NCOA7: variants seen among roughly 807,000 people sequenced by gnomAD.
The protein encoded by NCOA7 is nuclear receptor coactivator 7, also known as 140 kDa estrogen receptor-associated protein.
In NCOA7, 45 loss-of-function variants were observed where a neutral mutation model predicts 104.3. The observed-to-expected ratio is 0.43, with a 90% CI of 0.34 to 0.55. NCOA7 has a LOEUF of 0.55. NCOA7 is among the 20% of genes least tolerant of loss of function. NCOA7 has a pLI of 0.02. For missense variants in NCOA7, 1,041 were observed against 1,119.7 expected, an observed-to-expected ratio of 0.93 and a Z score of 1.00; for synonymous variants, 398 against 402.3, an observed-to-expected ratio of 0.99 and a Z score of 0.13.
chr6:125,921,991 G>C (rs958926992), intron 12 of NCOA7, among the ~76,000 whole-genome samples: 7 of 152,138 alleles, frequency 4.6e-5, no homozygotes, highest in African/African-American at 1.7e-4. Context: ...TGGCTCCCTA[G>C]TTTACTGAGG....
rs548572640 is a variant in NCOA7 at position 125,882,068 on chromosome 6, G to T, written c.574-358G>T. Among the ~76,000 whole-genome samples, 27 of 152,270 alleles carry T rather than the reference G, an allele frequency of 1.8e-4. No individual in the cohort carries two copies. The East Asian group carries it at 5.2e-3, about 29-fold the overall frequency. On this transcript the variant is annotated intron_variant, in intron 6 of 15. Transcript: ENST00000392477. ...AGGGTTTCACCATATTAGTCAGGCA[G>T]GTCCCGAACTCCTGACCTCAGGTGA...
In NCOA7 at chr6:125,889,402, G is replaced by A. The variant is rs370205373; in HGVS notation, c.1348G>A (p.Ala450Thr). The change falls in exon 9 of 16, where the codon GCT becomes ACT. Residue 450 changes from alanine to threonine, a missense_variant. Around this residue, in one of 2 missense-constraint regions of NCOA7, gnomAD observed 914 missense variants for 942.7 expected, o/e 0.97. Transcript: ENST00000392477. ...LSLDPEERKK[A>T]ESQINNSAVE... ...TCTTGACCCAGAGGAACGAAAGAAA[G>A]CTGAGTCACAAATAAACAATTCTGC... The A allele has an allele frequency of 6.2e-6, 10 of 1,613,772 alleles. No homozygotes were observed. The highest frequency in any genetic ancestry group is 8.5e-6 in the Non-Finnish European group (10 of 1,179,940).
intron 2 of NCOA7, among the ~76,000 whole-genome samples, chr6:125,815,638 G>A (rs764631464): frequency 3.3e-5 from 5 of 152,186 alleles, no homozygotes; most frequent in Non-Finnish European, 5.9e-5. Flanking sequence ...GTTGCTCAGC[G>A]AATCCAGCTG....
At chr6:125,848,650 G>C (rs1250048034) in intron 2 of NCOA7, among the ~76,000 whole-genome samples, 1 of 152,032 alleles carries the variant, frequency 6.6e-6, no homozygotes, top group Non-Finnish European at 1.5e-5. Flanking sequence ...GAGCCTGTCG[G>C]GGGGTGGTGG....
intron 4 of NCOA7, 198 bp downstream of exon 4, chr6:125,875,166 G>A: frequency 2.1e-6 from 1 of 479,174 alleles, no homozygotes; most frequent in Non-Finnish European, 3.8e-6. Flanking sequence ...CCAGTGAATT[G>A]AGAATGTGAG....
chr6:125,927,768 T>C lies in NCOA7; in HGVS notation c.2619+10T>C. The C allele has an allele frequency of 6.3e-7, 1 of 1,593,462 alleles. No homozygotes were observed. Among genetic ancestry groups the C allele is most frequent in the Middle Eastern group, 1.7e-4 (1 of 6,026 alleles). On this transcript the variant is annotated intron_variant, in intron 14 of 15. Coordinates refer to ENST00000392477, the MANE Select transcript of NCOA7 (RefSeq NM_181782.5). Reference sequence around the variant, plus strand: ...CAGCCCTCATTTTAAGGTACCTAGATAGGAGAAATATCCAACTCCCATATG... The same window carrying C: ...CAGCCCTCATTTTAAGGTACCTAGACAGGAGAAATATCCAACTCCCATATG...
At chr6:125,911,211 T>G (rs913706794) in intron 10 of NCOA7, among the ~76,000 whole-genome samples, 4 of 152,224 alleles carry the variant, frequency 2.6e-5, no homozygotes, top group Non-Finnish European at 4.4e-5. Flanking sequence ...AGCATTTATA[T>G]GGAACATGTT....
At chr6:125,836,258 C>G (rs1023886185) in intron 2 of NCOA7, among the ~76,000 whole-genome samples, 1 of 152,006 alleles carries the variant, frequency 6.6e-6, no homozygotes, top group African/African-American at 2.4e-5. Context: ...GTTGTCATGC[C>G]AGGGACATAA....
rs1784561122 is a variant in NCOA7 at position 125,890,641 on chromosome 6, G to C, written c.1928-1G>C. On this transcript the variant is annotated splice_acceptor_variant, in intron 9 of 15. Coordinates refer to ENST00000392477, the MANE Select transcript of NCOA7 (RefSeq NM_181782.5). LOFTEE classifies it high-confidence loss of function. ...GAACAGTTTTTTCGTGTGTGATTCA[G>C]ATATACTTCCTTCAAAAGAAGAAAA... is the stretch of plus-strand genomic sequence containing the variant. 4 of 1,610,708 alleles carry C rather than the reference G, an allele frequency of 2.5e-6. No homozygotes were observed. Among genetic ancestry groups the C allele is most frequent in the Non-Finnish European group, 3.4e-6 (4 of 1,178,760 alleles).
intron 2 of NCOA7, among the ~76,000 whole-genome samples, chr6:125,827,282 G>A (rs1316390796): frequency 6.7e-6 from 1 of 149,304 alleles, no homozygotes; most frequent in Non-Finnish European, 1.5e-5. Flanking sequence ...CTAATAACCA[G>A]CATGCTCCCA....
chr6:125,858,377 A>G (rs530433370), intron 3 of NCOA7, among the ~76,000 whole-genome samples: 73 of 152,140 alleles, frequency 4.8e-4, no homozygotes, highest in Non-Finnish European at 1.0e-3. Flanking sequence ...TCAGTGGTTC[A>G]CACCTGTAAT....
intron 10 of NCOA7, among the ~76,000 whole-genome samples, chr6:125,895,006 G>A (rs56036820): frequency 7.2e-5 from 11 of 152,108 alleles, no homozygotes; most frequent in South Asian, 2.1e-4. Flanking sequence ...ATAATATTCC[G>A]TGAATTTGGA....
At chr6:125,804,385 T>A (rs1030945273) in intron 1 of NCOA7, among the ~76,000 whole-genome samples, 1 of 152,260 alleles carries the variant, frequency 6.6e-6, no homozygotes, top group East Asian at 1.9e-4. Context: ...CTCCAGAAAC[T>A]CCACTGTGGG....
At chr6:125,836,616 C>A (rs1019061655) in intron 2 of NCOA7, among the ~76,000 whole-genome samples, 3 of 152,106 alleles carry the variant, frequency 2.0e-5, no homozygotes, top group African/African-American at 7.2e-5. Flanking sequence ...TGGCTTAATG[C>A]AGGAGTATGG....
chr6:125,881,272 G>T, intron 6 of NCOA7, 69 bp downstream of exon 6: 1 of 1,135,824 alleles, frequency 8.8e-7, no homozygotes, highest in Non-Finnish European at 1.3e-6. Flanking sequence ...AATTCAACAT[G>T]TTATTTTTCA....
At chr6:125,894,722 C>T (rs923428026) in intron 10 of NCOA7, among the ~76,000 whole-genome samples, 5 of 151,164 alleles carry the variant, frequency 3.3e-5, no homozygotes, top group East Asian at 1.9e-4. Context: ...CTGTATTAAC[C>T]GATTTCCCAT....
chr6:125,829,949 T>C (rs1275384989), intron 2 of NCOA7, among the ~76,000 whole-genome samples: 1 of 152,174 alleles, frequency 6.6e-6, no homozygotes, highest in Non-Finnish European at 1.5e-5. Context: ...TAAAATCTTT[T>C]AGTCGAAATA....
chr6:125,914,911 A>C (rs1245921457), intron 10 of NCOA7, among the ~76,000 whole-genome samples: 1 of 152,226 alleles, frequency 6.6e-6, no homozygotes, highest in East Asian at 1.9e-4. Flanking sequence ...ACAATGCAAT[A>C]GTACTTTGAT....
chr6:125,924,080 A>G (rs912743281), intron 13 of NCOA7, among the ~76,000 whole-genome samples: 2 of 152,238 alleles, frequency 1.3e-5, no homozygotes, highest in Non-Finnish European at 2.9e-5. Flanking sequence ...AATTAAAATA[A>G]TGATAACAGT....
Sources: gnomAD v4.1 joint callset for allele counts (sites outside exome capture counted in the v4.1 genomes callset) on GRCh38, gnomAD v4.1.1 for gene constraint, gnomAD v4.1.1 regional missense constraint, MANE v1.5 for transcripts, NCBI Gene and HGNC (gene_info 2026-07-23, HGNC 2026-07-21) for gene names.